Variants in CD46 observed in about 807,000 individuals in gnomAD.
CD46 encodes membrane cofactor protein.
In CD46, 30 loss-of-function variants were observed where a neutral mutation model predicts 53.3. The ratio of observed to expected loss-of-function variants is 0.56; its 90% confidence interval spans 0.42 to 0.76. The LOEUF (loss-of-function observed/expected upper bound fraction) is 0.76, where lower values mean the gene tolerates loss of function less well. Among genes scored for constraint, CD46 ranks in the 30% least tolerant of loss-of-function variants. The pLI is 0.00. For missense variants in CD46, 409 were observed against 463.0 expected, an observed-to-expected ratio of 0.88 and a Z score of 1.07; for synonymous variants, 142 against 152.0, an observed-to-expected ratio of 0.93 and a Z score of 0.48.
At chr1:207,753,121 A>G (rs1655112556) in intron 1 of CD46, among the ~76,000 whole-genome samples, 1 of 152,052 alleles carries the variant, frequency 6.6e-6, no homozygotes, top group Non-Finnish European at 1.5e-5. Context: ...CCCAACCAAT[A>G]TAGATAGTAT....
At chr1:207,762,862 AGG>A (rs1289626501) in intron 5 of CD46, 1 of 152,594 alleles carries the variant, frequency 6.6e-6, no homozygotes, top group Non-Finnish European at 1.5e-5. Flanking sequence ...TGGAAGCCAG[AGG>A]GGGTGTGCCA....
At chr1:207,771,343 C>T (rs1325027382) in intron 8 of CD46, among the ~76,000 whole-genome samples, 2 of 152,164 alleles carry the variant, frequency 1.3e-5, no homozygotes, top group African/African-American at 4.8e-5. Context: ...CCATTCTGTA[C>T]GTTGCCTGTT....
Position 207,770,319 on chromosome 1 carries a change from A to AGGT in CD46, c.902-1_903dup. On this transcript the variant is annotated splice_acceptor_variant, in intron 7 of 12. Coordinates refer to ENST00000367042, the MANE Select transcript of CD46 (RefSeq NM_172351.3). LOFTEE classifies it high-confidence loss of function. The stretch of plus-strand genomic sequence containing the variant: ...TTTATAAAATCAAACTTATTTTTCT[A>AGGT]GGTCCTAGGCCTACTTACAAGCCTC... The AGGT allele has an allele frequency of 1.2e-6, 2 of 1,600,948 alleles. No homozygotes were observed. Among genetic ancestry groups the AGGT allele is most frequent in the Non-Finnish European group, 1.7e-6 (2 of 1,168,604 alleles).
chr1:207,785,298 T>G (rs1186804666), intron 10 of CD46, among the ~76,000 whole-genome samples, 192 bp downstream of exon 10: 1 of 152,252 alleles, frequency 6.6e-6, no homozygotes, highest in Non-Finnish European at 1.5e-5. Flanking sequence ...TCTGTTATAT[T>G]CTGTATATCT....
intron 12 of CD46, among the ~76,000 whole-genome samples, chr1:207,792,566 C>G (rs1165501933): frequency 6.6e-6 from 1 of 152,104 alleles, no homozygotes; most frequent in African/African-American, 2.4e-5. Flanking sequence ...TAATGGAACA[C>G]TAGGCATAAA....
At chr1:207,786,645 GT>G (rs1659297958) in intron 11 of CD46, among the ~76,000 whole-genome samples, 1 of 152,088 alleles carries the variant, frequency 6.6e-6, no homozygotes, top group South Asian at 2.1e-4. Context: ...GGTACTCATG[GT>G]TTTATGATAT....
intron 8 of CD46, among the ~76,000 whole-genome samples, chr1:207,778,988 G>T (rs1658427410): frequency 6.6e-6 from 1 of 152,122 alleles, no homozygotes; most frequent in Non-Finnish European, 1.5e-5. Flanking sequence ...TCTCATTGCA[G>T]AGATGTTTCA....
chr1:207,767,072 A>C lies in CD46; in HGVS notation c.733A>C (p.Lys245Gln), dbSNP rs1461927318. Reference sequence around the variant, plus strand: ...AAAACAGATATCAGGATTTGGAAAAAAATTTTACTACAAAGCAACAGTTAT... The same window carrying C: ...AAAACAGATATCAGGATTTGGAAAACAATTTTACTACAAAGCAACAGTTAT... The part of the protein sequence containing the change: ...NGKQISGFGK[K>Q]FYYKATVMFE... The change falls in exon 6 of 13, where the codon AAA (lysine) becomes CAA (glutamine). Residue 245 changes from lysine (K) to glutamine (Q), a missense_variant. Transcript: ENST00000367042. The C allele has an allele frequency of 1.2e-6, 2 of 1,613,726 alleles. No individual in the cohort carries two copies. Among genetic ancestry groups the C allele is most frequent in the Non-Finnish European group, 1.7e-6 (2 of 1,179,776 alleles).
Position 207,795,166 on chromosome 1 carries a change from A to G in CD46, c.*1689A>G, listed in dbSNP as rs942138244. The stretch of plus-strand genomic sequence containing the variant: ...TGTTTTTTAGAAACCTAATTGAAGT[A>G]TATTCAACCAAATACTTTAATGTAT... On this transcript the variant is annotated 3_prime_UTR_variant, in exon 13 of 13. Coordinates refer to ENST00000367042, the MANE Select transcript of CD46 (RefSeq NM_172351.3). 1 of 152,230 alleles carries G rather than the reference A, an allele frequency of 6.6e-6. No individual in the cohort carries two copies. The highest frequency in any genetic ancestry group is 2.4e-5 in the African/African-American group (1 of 41,456). The allele number at this position is 152,230 out of a possible 1,614,324, so 9.4% of individuals were successfully genotyped here. A position where few individuals can be genotyped will look rare whatever the true frequency, so the allele number is the denominator to read the frequency against.
chr1:207,787,687 C>T (rs866152203), intron 11 of CD46, among the ~76,000 whole-genome samples: 8 of 152,090 alleles, frequency 5.3e-5, no homozygotes, highest in South Asian at 2.1e-4. Context: ...ATATAAACTG[C>T]GTGGGAATCT....
chr1:207,782,349 C>G (rs74856817), intron 8 of CD46, among the ~76,000 whole-genome samples: 6,647 of 152,146 alleles, frequency 0.044, 200 homozygotes, highest in Non-Finnish European at 0.069. Flanking sequence ...TTAGGGTTTT[C>G]TAAATAAAAG....
At position 207,761,445 on chromosome 1, in the gene CD46, A is replaced by C. The variant is rs1257331457; in HGVS notation, c.672A>C (p.Lys224Asn). Residue 224 changes from lysine to asparagine, a missense_variant and splice_region_variant, in exon 5 of 13, where the codon AAA (lysine) becomes AAC (asparagine). Lys to Asn is a moderately conservative substitution (Grantham distance 94, BLOSUM62 0). Transcript: ENST00000367042. Reference sequence around the variant, plus strand: ...GGAGTCGTGCTGCTCCAGAGTGTAAAGGTAGTGTTTCAATTTATTTCCTTC... The same window carrying C: ...GGAGTCGTGCTGCTCCAGAGTGTAACGGTAGTGTTTCAATTTATTTCCTTC... ...SVWSRAAPEC[K>N]VVKCRFPVVE... 1 of 1,611,996 alleles carries C rather than the reference A, an allele frequency of 6.2e-7. No homozygotes were observed. Among genetic ancestry groups the C allele is most frequent in the Middle Eastern group, 1.7e-4 (1 of 6,058 alleles).
At position 207,785,789 on chromosome 1, in the gene CD46, T is replaced by A. The variant is rs76425939; in HGVS notation, c.1082+107T>A. ...TATTGCATGCTATCTTTTTTTTTTT[T>A]TTAAAAAAATGCCTGCATTAGTTTG... On this transcript the variant is annotated intron_variant, in intron 11 of 12. Coordinates refer to ENST00000367042, the MANE Select transcript of CD46 (RefSeq NM_172351.3). The A allele has an allele frequency of 1.9e-3, 1,204 of 618,606 alleles. 1 individual carries two copies. Among genetic ancestry groups the A allele is most frequent in the African/African-American group, 3.5e-3 (102 of 29,062 alleles). 38.3% of individuals were successfully genotyped at this position (618,606 alleles called of 1,614,324 possible). A position where few individuals can be genotyped will look rare whatever the true frequency, so the allele number is the denominator to read the frequency against.
chr1:207,790,034 G>A (rs376493781), intron 11 of CD46, among the ~76,000 whole-genome samples: 24 of 152,230 alleles, frequency 1.6e-4, no homozygotes, highest in African/African-American at 4.8e-4. Context: ...CTGTTTATCT[G>A]CTGGATGATC....
Position 207,775,067 on chromosome 1 carries a change from G to A in CD46, c.943+4705G>A, listed in dbSNP as rs1366187933. On this transcript the variant is annotated intron_variant, in intron 8 of 12. Transcript: ENST00000367042. ...TTTTCACATAGTCCCATATTTCTTG[G>A]AGGCTTTGTTTGTTTCTTTTCACTT... Among the ~76,000 whole-genome samples, 6 of 152,100 alleles carry A rather than the reference G, an allele frequency of 3.9e-5. No homozygotes were observed. In the East Asian group the frequency reaches 1.2e-3, roughly 29 times the overall value.
rs1439227064 is a variant in CD46 at position 207,752,091 on chromosome 1, A to AT, written c.-121dup. On this transcript the variant is annotated 5_prime_UTR_variant, in exon 1 of 13. The change abolishes an upstream ATG in the 5' untranslated region. Transcript: ENST00000367042. This position sits in a 1 kb window ranked among gnomAD's most constrained non-coding sequence, Gnocchi z 4.1. ...ACGCCCACCTGTCCTGCAGCACTGG[A>AT]TGCTTTGTGAGTTGGGGATTGTTGC... 3.1e-6 allele frequency: 3 copies of AT among 965,346 alleles called. No individual in the cohort carries two copies. Among genetic ancestry groups the AT allele is most frequent in the Non-Finnish European group, 5.0e-6 (3 of 602,240 alleles). The allele number at this position is 965,346 out of a possible 1,614,324, so 59.8% of individuals were successfully genotyped here. A position where few individuals can be genotyped will look rare whatever the true frequency, so the allele number is the denominator to read the frequency against.
rs1654996182 is a variant in CD46 at position 207,752,261 on chromosome 1, C to T, written c.49C>T (p.Pro17Ser). ...GTGTCCCTTTCCTTCCTGGCGCTTT[C>T]CTGGGTTGCTTCTGGCGGCCATGGT... ...RECPFPSWRF[P>S]GLLLAAMVLL... is the part of the protein sequence containing the mutation. Residue 17 changes from proline to serine, a missense_variant, in exon 1 of 13, where the codon CCT (proline) becomes TCT (serine). Physicochemically the swap from Pro to Ser is moderately conservative, Grantham distance 74. Transcript: ENST00000367042. This position sits in a 1 kb window ranked among gnomAD's most constrained non-coding sequence, Gnocchi z 4.1. 6.2e-7 allele frequency: 1 copy of T among 1,614,070 alleles called. No individual in the cohort carries two copies. Among genetic ancestry groups the T allele is most frequent in the African/African-American group, 1.3e-5 (1 of 74,948 alleles).
intron 12 of CD46, among the ~76,000 whole-genome samples, chr1:207,790,665 C>A (rs1256025958): frequency 6.6e-6 from 1 of 152,174 alleles, no homozygotes; most frequent in Non-Finnish European, 1.5e-5. Flanking sequence ...TGGGAAATAA[C>A]CACAGAATCA....
chr1:207,771,614 C>T (rs2724361), intron 8 of CD46, among the ~76,000 whole-genome samples: 93,553 of 151,978 alleles, frequency 0.62, 29,158 homozygotes, highest in East Asian at 0.91. Context: ...TTTCTACATA[C>T]GGCTAGTCAG....
Sources: gnomAD v4.1 joint callset for allele counts (sites outside exome capture counted in the v4.1 genomes callset) on GRCh38, gnomAD v4.1.1 for gene constraint, Gnocchi (gnomAD v3.1) non-coding constraint, MANE v1.5 for transcripts, NCBI Gene and HGNC (gene_info 2026-07-23, HGNC 2026-07-21) for gene names.